Variants in MEGF6 observed in about 807,000 individuals in gnomAD.
MEGF6 encodes the protein multiple epidermal growth factor-like domains protein 6.
In MEGF6, 184 loss-of-function variants were observed where a neutral mutation model predicts 207.1. The ratio of observed to expected loss-of-function variants is 0.89; its 90% CI spans 0.79 to 1.00. The LOEUF is 1.00. Ranked by LOEUF, MEGF6 falls within the 50% of genes least tolerant of loss-of-function variation. MEGF6 has a pLI of 0.00. For synonymous variants in MEGF6, 1,038 were observed against 910.0 expected, an observed-to-expected ratio of 1.14 and a Z score of -2.53; for missense variants, 2,282 against 2,202.9, an observed-to-expected ratio of 1.04 and a Z score of -0.72.
At chr1:3,582,290 G>A (rs1246443429) in intron 3 of MEGF6, among the ~76,000 whole-genome samples, 1 of 152,200 alleles carries the variant, frequency 6.6e-6, no homozygotes, top group Non-Finnish European at 1.5e-5. Flanking sequence ...CAGTCACTGG[G>A]ATGCGCACAC....
chr1:3,561,226 C>T, intron 4 of MEGF6, among the ~76,000 whole-genome samples: 1 of 152,192 alleles, frequency 6.6e-6, no homozygotes, highest in African/African-American at 2.4e-5. Context: ...CAAGGGAGGG[C>T]CCCTCCACGC....
rs199600491 is a variant in MEGF6, at chr1:3,510,947, C to G, written c.1115-45G>C. On this transcript the variant is annotated intron_variant, in intron 9 of 36. Transcript: ENST00000356575. ...GGCCCCCTGGTACCAGGCACCTGCA[C>G]GTGCACACGCCCCCACCCACACACA... is the stretch of plus-strand genomic sequence containing the variant. The G allele has an allele frequency of 1.3e-5, 21 of 1,567,676 alleles. 1 individual carries two copies. In the South Asian group the frequency reaches 1.5e-4, roughly 11 times the overall value.
intron 4 of MEGF6, among the ~76,000 whole-genome samples, chr1:3,571,358 C>T (rs56365936): frequency 0.057 from 8,661 of 152,228 alleles, 290 homozygotes; most frequent in Non-Finnish European, 0.069. Context: ...CTCCCACCCC[C>T]GAGCACAGAG....
chr1:3,615,741 G>C (rs1385463040), upstream of MEGF6, among the ~76,000 whole-genome samples: 1 of 152,156 alleles, frequency 6.6e-6, no homozygotes, highest in Non-Finnish European at 1.5e-5. Flanking sequence ...CCTGGTCCCA[G>C]CCTCTCCACC....
At chr1:3,541,081 C>T (rs901615395) in intron 4 of MEGF6, among the ~76,000 whole-genome samples, 15 of 152,210 alleles carry the variant, frequency 9.9e-5, no homozygotes, top group African/African-American at 3.6e-4. Flanking sequence ...GGCTGGGGCC[C>T]TGGACTTCAA....
intron 1 of MEGF6, among the ~76,000 whole-genome samples, chr1:3,610,185 G>C (rs1644305568): frequency 6.6e-6 from 1 of 152,268 alleles, no homozygotes; most frequent in African/African-American, 2.4e-5. Context: ...GCCAGACCCA[G>C]GGTGGGGTCT....
intron 4 of MEGF6, among the ~76,000 whole-genome samples, chr1:3,547,604 C>A (rs1395937206): frequency 6.6e-6 from 1 of 152,162 alleles, no homozygotes; most frequent in Non-Finnish European, 1.5e-5. Flanking sequence ...CTTCGGACAG[C>A]CCCAGGCCCC....
At chr1:3,611,058 G>T in intron 1 of MEGF6, 80 bp downstream of exon 1, 1 of 1,370,110 alleles carries the variant, frequency 7.3e-7, no homozygotes, top group African/African-American at 1.5e-5. Context: ...CAAAGCCTCG[G>T]AGCTCGGTCC....
chr1:3,521,120 C>T (rs554837007), intron 5 of MEGF6, among the ~76,000 whole-genome samples: 8 of 152,274 alleles, frequency 5.3e-5, no homozygotes, highest in African/African-American at 1.7e-4. Flanking sequence ...GACACCCTCC[C>T]GGCCAGGAGG....
At chr1:3,524,623 A>C (rs951516533) in intron 4 of MEGF6, among the ~76,000 whole-genome samples, 1 of 152,214 alleles carries the variant, frequency 6.6e-6, no homozygotes, top group Non-Finnish European at 1.5e-5. Flanking sequence ...AGGACCCACA[A>C]GCCCAAAAAG....
At chr1:3,578,576 T>G (rs902847157) in intron 4 of MEGF6, among the ~76,000 whole-genome samples, 3 of 149,436 alleles carry the variant, frequency 2.0e-5, no homozygotes, top group Non-Finnish European at 4.4e-5. Flanking sequence ...GACAGACAGA[T>G]CTCAGTCCAT....
At chr1:3,506,012 G>T in intron 15 of MEGF6, 96 bp downstream of exon 15, 1 of 1,455,100 alleles carries the variant, frequency 6.9e-7, no homozygotes. Context: ...GGCCCCGATA[G>T]CCTCATCCTA....
At chr1:3,608,277 A>T (rs1371319945) in intron 1 of MEGF6, among the ~76,000 whole-genome samples, 1 of 152,090 alleles carries the variant, frequency 6.6e-6, no homozygotes, top group Non-Finnish European at 1.5e-5. Context: ...GACAATGAAC[A>T]ATGTCACTCA....
At position 3,565,154 on chromosome 1, in the gene MEGF6, C is replaced by A. The variant is rs779432816; in HGVS notation, c.481+14671G>T. Reference sequence around the variant, plus strand: ...ATGAATGAAGCCCCCTAGGTACCCCCTTCTTACCCTGGAACCCCCTGCCTG... The same window carrying A: ...ATGAATGAAGCCCCCTAGGTACCCCATTCTTACCCTGGAACCCCCTGCCTG... On this transcript the variant is annotated intron_variant, in intron 4 of 36. Transcript: ENST00000356575. The surrounding 1 kb of genome is among the most constrained non-coding windows in gnomAD (Gnocchi z 4.8). 6.6e-6 allele frequency among the ~76,000 whole-genome samples: 1 copy of A among 152,092 alleles called. No homozygotes were observed. Among genetic ancestry groups the A allele is most frequent in the Non-Finnish European group, 1.5e-5 (1 of 67,992 alleles).
At chr1:3,596,942 C>A (rs1644077570) in intron 2 of MEGF6, among the ~76,000 whole-genome samples, 1 of 152,188 alleles carries the variant, frequency 6.6e-6, no homozygotes, top group Non-Finnish European at 1.5e-5. Flanking sequence ...GCTCGTAAGT[C>A]TCAGTTCCTC....
At chr1:3,603,704 G>A (rs779754179) in intron 1 of MEGF6, among the ~76,000 whole-genome samples, 8 of 152,012 alleles carry the variant, frequency 5.3e-5, no homozygotes, top group African/African-American at 9.7e-5. Flanking sequence ...CCACCCCACC[G>A]GGAATATTGT....
Position 3,499,719 on chromosome 1 carries a change from G to A in MEGF6, c.2837-3C>T, listed in dbSNP as rs1232568133. 9.4e-6 allele frequency: 15 copies of A among 1,603,440 alleles called. No individual in the cohort carries two copies. Among genetic ancestry groups the A allele is most frequent in the African/African-American group, 1.3e-5 (1 of 74,764 alleles). ...TCCAAAGAAGCCGGCCGGGCAGGCT[G>A]CAGACAGCGGGCAGTGATGTGGAGG... On this transcript the variant is annotated splice_polypyrimidine_tract_variant and splice_region_variant and intron_variant, in intron 22 of 36. Coordinates refer to ENST00000356575, the MANE Select transcript of MEGF6 (RefSeq NM_001409.4).
intron 4 of MEGF6, chr1:3,531,135 G>C: frequency 6.5e-7 from 1 of 1,529,868 alleles, no homozygotes; most frequent in East Asian, 2.6e-5. Flanking sequence ...GGTGACATGG[G>C]TAGCAGCCCC....
chr1:3,529,774 G>A (rs545699083), intron 4 of MEGF6, among the ~76,000 whole-genome samples: 9 of 152,364 alleles, frequency 5.9e-5, no homozygotes, highest in African/African-American at 1.9e-4. Flanking sequence ...CAGGTGGACA[G>A]GCATGGCTGG....
Sources: allele counts gnomAD v4.1 joint callset (sites outside exome capture counted in the v4.1 genomes callset), GRCh38; gene constraint gnomAD v4.1.1; non-coding constraint Gnocchi (gnomAD v3.1); transcripts MANE v1.5; gene names NCBI Gene and HGNC (gene_info 2026-07-23, HGNC 2026-07-21).